The following LRIG1 variants were observed in gnomAD, a reference collection of about 807,000 sequenced individuals.
LRIG1 encodes leucine-rich repeats and immunoglobulin-like domains protein 1.
LRIG1 carries 48 observed loss-of-function variants against 99.2 expected under a neutral mutation model. The ratio of observed to expected loss-of-function variants is 0.48; its 90% confidence interval spans 0.38 to 0.62. The LOEUF (loss-of-function observed/expected upper bound fraction) is 0.62. Ranked by LOEUF, LRIG1 falls within the 20% of genes least tolerant of loss-of-function variation. LRIG1 has a pLI of 0.00. For missense variants in LRIG1, 1,646 were observed against 1,434.4 expected (o/e 1.15, Z -2.38); for synonymous variants, 772 against 596.1 (o/e 1.29, Z -4.30).
chr3:66,464,607 G>T (rs1486999624), intron 1 of LRIG1, among the ~76,000 whole-genome samples: 1 of 152,086 alleles, frequency 6.6e-6, no homozygotes, highest in Non-Finnish European at 1.5e-5. Context: ...GACTCTTGAG[G>T]CCATTAGGTT....
intron 9 of LRIG1, 75 bp from the exon 10 acceptor site, chr3:66,399,116 G>A: frequency 8.1e-7 from 1 of 1,240,304 alleles, no homozygotes; most frequent in Non-Finnish European, 1.2e-6. Flanking sequence ...GAAAGAAAAA[G>A]AAAAAGAAAA....
At chr3:66,408,148 C>T (rs1240909888) in intron 7 of LRIG1, among the ~76,000 whole-genome samples, 1 of 152,196 alleles carries the variant, frequency 6.6e-6, no homozygotes, top group Non-Finnish European at 1.5e-5. Context: ...TCCTGCACCT[C>T]TGGGTTGCTT....
intron 2 of LRIG1, among the ~76,000 whole-genome samples, chr3:66,460,943 C>T (rs1037291594): frequency 6.6e-6 from 1 of 152,152 alleles, no homozygotes; most frequent in African/African-American, 2.4e-5. Flanking sequence ...GTTTGGAATG[C>T]AAGTATTTTG....
intron 2 of LRIG1, among the ~76,000 whole-genome samples, chr3:66,457,522 G>C (rs893075321): frequency 6.6e-6 from 1 of 152,152 alleles, no homozygotes. Context: ...TTGGAGGGCT[G>C]GGCAGTTCCA....
Position 66,422,925 on chromosome 3 carries a change from A to G in LRIG1, c.366-5659T>C, listed in dbSNP as rs182079314. Among the ~76,000 whole-genome samples the G allele has an allele frequency of 4.0e-4, 61 of 152,350 alleles. 1 individual carries two copies. The highest frequency in any genetic ancestry group is 1.3e-3 in the African/African-American group (52 of 41,578). ...CTTACATGGATGGCAGCAGGCAAAA[A>G]GAGAGTTTGTGCAGGGAAACTCCAG... is the stretch of plus-strand genomic sequence containing the variant. On this transcript the variant is annotated intron_variant, in intron 3 of 18. Coordinates refer to ENST00000273261, the MANE Select transcript of LRIG1 (RefSeq NM_015541.3).
chr3:66,463,935 A>T (rs1700413113), intron 1 of LRIG1, among the ~76,000 whole-genome samples: 1 of 152,200 alleles, frequency 6.6e-6, no homozygotes, highest in Non-Finnish European at 1.5e-5. Context: ...AATTAAAAGC[A>T]ATTTGTCCAG....
At chr3:66,476,028 A>G (rs1484043426) in intron 1 of LRIG1, among the ~76,000 whole-genome samples, 2 of 152,206 alleles carry the variant, frequency 1.3e-5, no homozygotes, top group African/African-American at 2.4e-5. Context: ...TATGTCAGCA[A>G]TAATCCCTGC....
At chr3:66,409,067 G>A (rs187674665) in intron 7 of LRIG1, among the ~76,000 whole-genome samples, 15 of 151,936 alleles carry the variant, frequency 9.9e-5, no homozygotes, top group African/African-American at 3.1e-4. Context: ...TTAGATTCAC[G>A]CATCCCCTTG....
At position 66,381,638 on chromosome 3, in the gene LRIG1, G is replaced by C. The variant is rs1701070618; in HGVS notation, c.2618-7C>G. 3 of 1,610,846 alleles carry C rather than the reference G, an allele frequency of 1.9e-6. No individual in the cohort carries two copies. The African/African-American group carries it at 4.0e-5, about 21-fold the overall frequency. ...GCATCTCTTGGACACACACCTGCAA[G>C]TGGATTCCAACACGATTAGAAACTC... On this transcript the variant is annotated splice_polypyrimidine_tract_variant and splice_region_variant and intron_variant, in intron 16 of 18. Transcript: ENST00000273261.
intron 6 of LRIG1, among the ~76,000 whole-genome samples, chr3:66,412,535 C>T (rs569385232): frequency 1.8e-4 from 28 of 152,328 alleles, no homozygotes; most frequent in African/African-American, 6.3e-4. Flanking sequence ...AGGTTTGGCC[C>T]GGTCCCCAAG....
intron 3 of LRIG1, among the ~76,000 whole-genome samples, chr3:66,430,823 A>C (rs575252870): frequency 2.0e-5 from 3 of 152,176 alleles, no homozygotes; most frequent in African/African-American, 7.2e-5. Flanking sequence ...GGGTCAGAAG[A>C]GCCAAACGTA....
intron 7 of LRIG1, 70 bp from the exon 8 acceptor site, chr3:66,407,561 T>G: frequency 6.4e-7 from 1 of 1,572,044 alleles, no homozygotes; most frequent in South Asian, 1.1e-5. Context: ...CACCGGAAAT[T>G]GGGCCACAGT....
intron 3 of LRIG1, among the ~76,000 whole-genome samples, chr3:66,419,524 G>A (rs1268665708): frequency 3.3e-5 from 5 of 152,142 alleles, no homozygotes; most frequent in Admixed American, 6.5e-5. Context: ...GTGCCAGGGC[G>A]AATGTCTGAG....
chr3:66,401,661 G>A (rs749931065), intron 9 of LRIG1: 15 of 1,529,622 alleles, frequency 9.8e-6, no homozygotes, highest in African/African-American at 1.4e-5. Flanking sequence ...CCAGCAGACT[G>A]GGATGGCTCT....
chr3:66,494,110 T>C (rs1440266952), intron 1 of LRIG1, among the ~76,000 whole-genome samples: 2 of 152,150 alleles, frequency 1.3e-5, no homozygotes, highest in Non-Finnish European at 1.5e-5. Flanking sequence ...AACCTTCAAA[T>C]TGTGCTCCAG....
rs748884669 is a variant in LRIG1 at position 66,398,166 on chromosome 3, G to C, written c.1250C>G (p.Ala417Gly). Reference protein sequence around the residue: ...GLEHLNLGGNAIRSVQFDAFV... With the variant: ...GLEHLNLGGNGIRSVQFDAFV... The stretch of plus-strand genomic sequence containing the variant: ...GGCATCAAACTGGACAGATCTGATC[G>C]CATTCCCTCCAAGGTTCCTGAAACA... The change falls in exon 11 of 19, where the codon GCG becomes GGG. Residue 417 changes from alanine to glycine, a missense_variant. Physicochemically the swap from Ala to Gly is moderately conservative, Grantham distance 60. Coordinates refer to ENST00000273261, the MANE Select transcript of LRIG1 (RefSeq NM_015541.3). The C allele has an allele frequency of 6.2e-7, 1 of 1,613,598 alleles. No homozygotes were observed. Among genetic ancestry groups the C allele is most frequent in the Non-Finnish European group, 8.5e-7 (1 of 1,179,590 alleles).
chr3:66,479,757 C>A (rs995474940), intron 1 of LRIG1, among the ~76,000 whole-genome samples: 10 of 152,164 alleles, frequency 6.6e-5, no homozygotes, highest in Admixed American at 6.5e-5. Flanking sequence ...CCACAACACA[C>A]CCACTAGGAT....
Position 66,462,479 on chromosome 3 carries a change from A to T in LRIG1, c.249T>A (p.Ile83=). The T allele has an allele frequency of 6.2e-7, 1 of 1,612,862 alleles. No homozygotes were observed. Among genetic ancestry groups the T allele is most frequent in the Non-Finnish European group, 8.5e-7 (1 of 1,179,444 alleles). Residue 83 remains isoleucine (I), a synonymous_variant, in exon 2 of 19, where the codon ATT becomes ATA. Coordinates refer to ENST00000273261, the MANE Select transcript of LRIG1 (RefSeq NM_015541.3). ...LNLSYNKLSE[I]DPAGFEDLPN... ...GCAAGTCCTCAAAACCAGCAGGGTCAATCTCAGAGAGTTTGTTGTAACTCA... is the reference window on the plus strand; with the variant it reads ...GCAAGTCCTCAAAACCAGCAGGGTCTATCTCAGAGAGTTTGTTGTAACTCA...
intron 3 of LRIG1, among the ~76,000 whole-genome samples, chr3:66,418,177 C>T (rs1328523983): frequency 7.9e-5 from 12 of 152,282 alleles, no homozygotes; most frequent in African/African-American, 2.4e-4. Context: ...CTGCAACCTC[C>T]GCCTCCTGGG....
Sources: gnomAD v4.1 joint callset for allele counts (sites outside exome capture counted in the v4.1 genomes callset) on GRCh38, gnomAD v4.1.1 for gene constraint, MANE v1.5 for transcripts, NCBI Gene and HGNC (gene_info 2026-07-23, HGNC 2026-07-21) for gene names.